Variants in PARD3B observed in about 807,000 individuals in gnomAD.
PARD3B encodes par-3 family cell polarity regulator beta.
In PARD3B, 103 loss-of-function variants were observed where a neutral mutation model predicts 130.2. That is an observed-to-expected ratio of 0.79 (90% CI 0.67 to 0.93). PARD3B has a LOEUF of 0.93. PARD3B is among the 40% of genes least tolerant of loss of function. PARD3B has a pLI of 0.00. For synonymous variants in PARD3B, 583 were observed against 553.2 expected (o/e 1.05, Z -0.76); for missense variants, 1,609 against 1,499.2 (o/e 1.07, Z -1.21).
intron 1 of PARD3B, among the ~76,000 whole-genome samples, chr2:204,577,454 T>C (rs2032322524): frequency 6.6e-6 from 1 of 152,230 alleles, no homozygotes; most frequent in Admixed American, 6.5e-5. Context: ...CCAGCCTGTC[T>C]GGCTCATGTT....
chr2:204,848,670 T>A (rs529200724), intron 2 of PARD3B, among the ~76,000 whole-genome samples: 68 of 151,652 alleles, frequency 4.5e-4, no homozygotes, highest in Non-Finnish European at 7.4e-4. Context: ...TATCTGTCTG[T>A]CTGTGTATCT....
At chr2:204,679,674 A>AT (rs1013180725) in intron 1 of PARD3B, among the ~76,000 whole-genome samples, 1 of 151,114 alleles carries the variant, frequency 6.6e-6, no homozygotes, top group South Asian at 2.1e-4. Context: ...TTTTTTTTTA[A>AT]TTTTTTTTAA....
chr2:204,572,336 T>C (rs1329280361), intron 1 of PARD3B, among the ~76,000 whole-genome samples: 1 of 151,712 alleles, frequency 6.6e-6, no homozygotes, highest in Non-Finnish European at 1.5e-5. Flanking sequence ...AGGGTACATG[T>C]AGTGGGAATG....
At chr2:205,346,140 C>G (rs1055954379) in intron 18 of PARD3B, among the ~76,000 whole-genome samples, 3 of 146,460 alleles carry the variant, frequency 2.0e-5, no homozygotes, top group African/African-American at 7.3e-5. Context: ...CCACTGCACT[C>G]CAGCCTGAAC....
intron 1 of PARD3B, among the ~76,000 whole-genome samples, chr2:204,596,960 C>CTA (rs1399007057): frequency 6.0e-4 from 89 of 149,364 alleles, no homozygotes; most frequent in African/African-American, 1.8e-3. Context: ...CTCTCTCTCT[C>CTA]TCTATATATA....
At chr2:205,245,732 T>A in intron 15 of PARD3B, 46 bp from the exon 16 acceptor site, 1 of 1,459,600 alleles carries the variant, frequency 6.9e-7, no homozygotes, top group East Asian at 2.3e-5. Context: ...AATTGTCTGA[T>A]TTACAAGCCG....
chr2:204,949,056 A>G (rs1689558991), intron 2 of PARD3B, among the ~76,000 whole-genome samples: 2 of 152,192 alleles, frequency 1.3e-5, no homozygotes, highest in Admixed American at 1.3e-4. Flanking sequence ...AGGCATCTTT[A>G]CTTCCTCATA....
chr2:205,120,943 A>G (rs1243792387), intron 7 of PARD3B, among the ~76,000 whole-genome samples: 1 of 152,236 alleles, frequency 6.6e-6, no homozygotes, highest in Non-Finnish European at 1.5e-5. Flanking sequence ...AGTTTGAGGA[A>G]GAACACAAAG....
chr2:205,333,788 T>C (rs1221838548), intron 18 of PARD3B, among the ~76,000 whole-genome samples: 1 of 152,154 alleles, frequency 6.6e-6, no homozygotes, highest in Non-Finnish European at 1.5e-5. Flanking sequence ...GGCCACTAGA[T>C]CTCTCTATGA....
intron 1 of PARD3B, among the ~76,000 whole-genome samples, chr2:204,565,994 T>A (rs1025825173): frequency 6.6e-6 from 1 of 152,228 alleles, no homozygotes; most frequent in Non-Finnish European, 1.5e-5. Flanking sequence ...CATGCTTACA[T>A]TATTTTTTAA....
Position 205,322,889 on chromosome 2 carries a change from C to CTTTTTTTTTTTTTTT in PARD3B, c.2630+21216_2630+21230dup, listed in dbSNP as rs71032461. Among the ~76,000 whole-genome samples the CTTTTTTTTTTTTTTT allele has an allele frequency of 2.5e-4, 13 of 51,468 alleles. 2 individuals carry two copies. The highest frequency in any genetic ancestry group is 3.8e-4 in the Non-Finnish European group (10 of 26,334). 33.8% of individuals were successfully genotyped at this position (51,468 alleles called of 152,430 possible). A position where few individuals can be genotyped will look rare whatever the true frequency, so the allele number is the denominator to read the frequency against. ...TGTTGTTATATCATTATTAACACCTCTTTTTTTTTTTTTTTTTTTTTTTTT... is the reference window on the plus strand; with the variant it reads ...TGTTGTTATATCATTATTAACACCTCTTTTTTTTTTTTTTTTTTTTTTTTTTTTTTTTTTTTTTTT... On this transcript the variant is annotated intron_variant, in intron 18 of 22. Coordinates refer to ENST00000406610, the MANE Select transcript of PARD3B (RefSeq NM_001302769.2).
rs1169255667 is a variant in PARD3B at position 205,463,214 on chromosome 2, T to C, written c.3044+22542T>C. Among the ~76,000 whole-genome samples the C allele has an allele frequency of 6.6e-6, 1 of 152,172 alleles. No individual in the cohort carries two copies. Among genetic ancestry groups the C allele is most frequent in the Non-Finnish European group, 1.5e-5 (1 of 68,032 alleles). ...ACTAAGGAATATCTTGGCAATGACATTGCTTAGTCTTCCTTACACATAAGG... is the reference window on the plus strand; with the variant it reads ...ACTAAGGAATATCTTGGCAATGACACTGCTTAGTCTTCCTTACACATAAGG... On this transcript the variant is annotated intron_variant, in intron 20 of 22. Coordinates refer to ENST00000406610, the MANE Select transcript of PARD3B (RefSeq NM_001302769.2). The surrounding 1 kb of genome is among the most constrained non-coding windows in gnomAD (Gnocchi z 4.8).
At chr2:205,367,790 T>A (rs1222199720) in intron 18 of PARD3B, among the ~76,000 whole-genome samples, 13 of 152,216 alleles carry the variant, frequency 8.5e-5, no homozygotes, top group Admixed American at 7.2e-4. Flanking sequence ...GTCCTGCTAT[T>A]TATTTTTGTG....
chr2:205,113,280 A>G (rs546891601), intron 5 of PARD3B, among the ~76,000 whole-genome samples: 1 of 152,300 alleles, frequency 6.6e-6, no homozygotes, highest in Admixed American at 6.5e-5. Flanking sequence ...GAGTAAAAGT[A>G]AGAAATCAGA....
intron 3 of PARD3B, among the ~76,000 whole-genome samples, chr2:205,027,004 G>C (rs990461687): frequency 6.6e-6 from 1 of 152,132 alleles, no homozygotes; most frequent in Non-Finnish European, 1.5e-5. Context: ...GAACATGAGG[G>C]TGTAGATACC....
rs184667209 is a variant in PARD3B, at chr2:205,496,237, G to A, written c.3045-3659G>A. Among the ~76,000 whole-genome samples the A allele has an allele frequency of 2.8e-3, 433 of 152,098 alleles. 1 individual carries two copies. Among genetic ancestry groups the A allele is most frequent in the African/African-American group, 9.2e-3 (381 of 41,500 alleles). On this transcript the variant is annotated intron_variant, in intron 20 of 22. Transcript: ENST00000406610. ...TAATTGCTTTGGTTATAATAGTGGC[G>A]TATATTATTTTTATTAATTTGGTGG...
chr2:204,573,965 C>G (rs982962523), intron 1 of PARD3B, among the ~76,000 whole-genome samples: 1 of 152,196 alleles, frequency 6.6e-6, no homozygotes, highest in Non-Finnish European at 1.5e-5. Flanking sequence ...TATGTCTTAG[C>G]AGCCACTGCA....
intron 1 of PARD3B, among the ~76,000 whole-genome samples, chr2:204,685,588 T>C (rs778971288): frequency 1.3e-5 from 2 of 152,170 alleles, no homozygotes; most frequent in Non-Finnish European, 2.9e-5. Context: ...CTGAACACAG[T>C]TTGAGTTGCT....
chr2:205,220,622 G>C (rs1247207114), intron 15 of PARD3B, among the ~76,000 whole-genome samples: 1 of 152,316 alleles, frequency 6.6e-6, no homozygotes, highest in East Asian at 1.9e-4. Flanking sequence ...TCTTGGGGAA[G>C]ATGCCAGGCA....
Sources: allele counts gnomAD v4.1 joint callset (sites outside exome capture counted in the v4.1 genomes callset), GRCh38; gene constraint gnomAD v4.1.1; non-coding constraint Gnocchi (gnomAD v3.1); transcripts MANE v1.5; gene names NCBI Gene and HGNC (gene_info 2026-07-23, HGNC 2026-07-21).